The following GRID2 variants were observed in gnomAD, a reference collection of about 807,000 sequenced individuals.
GRID2 encodes the protein glutamate ionotropic receptor delta type subunit 2, also known as glutamate receptor ionotropic, delta-2.
GRID2 carries 33 observed loss-of-function variants against 114.8 expected under a neutral mutation model. That is an observed-to-expected ratio of 0.29 (90% confidence interval 0.22 to 0.38). The LOEUF (loss-of-function observed/expected upper bound fraction) is 0.38, where lower values mean the gene tolerates loss of function less well. GRID2 is among the 10% of genes least tolerant of loss of function. The pLI is 1.00. For missense variants in GRID2, 1,184 were observed against 1,257.7 expected, an observed-to-expected ratio of 0.94 and a Z score of 0.89; for synonymous variants, 505 against 449.9, an observed-to-expected ratio of 1.12 and a Z score of -1.55.
intron 8 of GRID2, among the ~76,000 whole-genome samples, chr4:93,310,082 A>G (rs931317031): frequency 2.0e-5 from 3 of 152,180 alleles, no homozygotes; most frequent in Non-Finnish European, 2.9e-5. Context: ...TACAACAAGC[A>G]TTATCAGTTT....
intron 2 of GRID2, among the ~76,000 whole-genome samples, chr4:92,665,712 G>C (rs769369079): frequency 2.7e-5 from 4 of 146,544 alleles, no homozygotes; most frequent in African/African-American, 9.9e-5. Flanking sequence ...TGGTTGACAT[G>C]TTTTTTTTTT....
intron 2 of GRID2, among the ~76,000 whole-genome samples, chr4:92,602,192 T>G: frequency 7.4e-6 from 1 of 135,586 alleles, no homozygotes; most frequent in Admixed American, 7.8e-5. Flanking sequence ...TACCAAAACT[T>G]GCCAGAGATT....
intron 2 of GRID2, among the ~76,000 whole-genome samples, chr4:92,871,582 G>A (rs1745283052): frequency 6.6e-6 from 1 of 152,148 alleles, no homozygotes; most frequent in African/African-American, 2.4e-5. Context: ...TCAGGGCAGA[G>A]TACTGACACT....
intron 14 of GRID2, among the ~76,000 whole-genome samples, chr4:93,734,642 G>A (rs572698434): frequency 5.9e-5 from 9 of 151,984 alleles, no homozygotes; most frequent in Non-Finnish European, 1.3e-4. Context: ...TTCTATCACC[G>A]ACAGCCCAGA....
chr4:92,657,392 T>C (rs1315455530), intron 2 of GRID2, among the ~76,000 whole-genome samples: 1 of 151,688 alleles, frequency 6.6e-6, no homozygotes, highest in Non-Finnish European at 1.5e-5. Context: ...GTTTTCCTAA[T>C]TAATATTTTT....
At chr4:92,510,506 A>G (rs1010561721) in intron 1 of GRID2, among the ~76,000 whole-genome samples, 1 of 151,902 alleles carries the variant, frequency 6.6e-6, no homozygotes, top group Non-Finnish European at 1.5e-5. Context: ...GACTGGGTAT[A>G]GTCATCAAGG....
chr4:93,192,728 CA>C (rs1741101206), intron 4 of GRID2, among the ~76,000 whole-genome samples: 1 of 66,004 alleles, frequency 1.5e-5, no homozygotes, highest in Non-Finnish European at 2.7e-5. Flanking sequence ...GCCTGGGCAA[CA>C]AGAGCAAAAC....
intron 8 of GRID2, among the ~76,000 whole-genome samples, chr4:93,299,427 C>CA (rs1462378236): frequency 1.8e-4 from 27 of 149,870 alleles, no homozygotes; most frequent in African/African-American, 5.9e-4. Context: ...CTGTTTGAAA[C>CA]GGGGAAAAAA....
At chr4:93,744,253 T>C (rs1246809043) in intron 14 of GRID2, among the ~76,000 whole-genome samples, 1 of 152,214 alleles carries the variant, frequency 6.6e-6, no homozygotes, top group Non-Finnish European at 1.5e-5. Context: ...CAAGGAGTAG[T>C]TTTGACTTCC....
chr4:93,326,678 C>T lies in GRID2; in HGVS notation c.1246-68929C>T, dbSNP rs147839899. 3.9e-3 allele frequency among the ~76,000 whole-genome samples: 590 copies of T among 152,016 alleles called. 7 individuals carry two copies. Among genetic ancestry groups the T allele is most frequent in the African/African-American group, 0.014 (571 of 41,464 alleles). On this transcript the variant is annotated intron_variant, in intron 8 of 15. Coordinates refer to ENST00000282020, the MANE Select transcript of GRID2 (RefSeq NM_001510.4). ...GCCACTTTATCTATTGTTTGTATTA[C>T]ACCTCATGCTTCTTTATATGCTTTT...
At chr4:92,938,307 C>T (rs1324923353) in intron 2 of GRID2, among the ~76,000 whole-genome samples, 1 of 146,466 alleles carries the variant, frequency 6.8e-6, no homozygotes, top group Non-Finnish European at 1.5e-5. Context: ...TTATCAATAG[C>T]ATAAATCTTC....
chr4:93,484,203 G>A (rs1170981865), intron 11 of GRID2, among the ~76,000 whole-genome samples: 1 of 151,668 alleles, frequency 6.6e-6, no homozygotes, highest in South Asian at 2.1e-4. Context: ...CTGTATAATT[G>A]CCACCTAGGA....
Position 93,230,147 on chromosome 4 carries a change from CGTGT to C in GRID2, c.1125+5392_1125+5395del, listed in dbSNP as rs34250856. ...AACTTTAATAGGATGTGTGTGTATG[CGTGT>C]GTGTGTGTGTGTGTGTGTGCATGCT... On this transcript the variant is annotated intron_variant, in intron 7 of 15. Transcript: ENST00000282020. 4.6e-4 allele frequency among the ~76,000 whole-genome samples: 69 copies of C among 148,530 alleles called. 1 individual carries two copies. The highest frequency in any genetic ancestry group is 3.4e-3 in the Middle Eastern group (1 of 292).
chr4:92,876,046 C>T (rs773510054), intron 2 of GRID2, among the ~76,000 whole-genome samples: 10 of 152,078 alleles, frequency 6.6e-5, no homozygotes, highest in African/African-American at 1.2e-4. Context: ...CTTCTTAATA[C>T]GCTCTCAATT....
intron 4 of GRID2, among the ~76,000 whole-genome samples, chr4:93,203,143 T>C (rs1742291463): frequency 6.6e-6 from 1 of 152,160 alleles, no homozygotes; most frequent in South Asian, 2.1e-4. Flanking sequence ...AGTGGCTTTT[T>C]AACATTGCTT....
chr4:93,528,124 T>C (rs973600743), intron 13 of GRID2, among the ~76,000 whole-genome samples: 1 of 151,924 alleles, frequency 6.6e-6, no homozygotes, highest in African/African-American at 2.4e-5. Context: ...TATGTGTGTG[T>C]ATATATATCC....
chr4:93,314,678 A>T (rs2149195473), intron 8 of GRID2, among the ~76,000 whole-genome samples: 1 of 151,944 alleles, frequency 6.6e-6, no homozygotes, highest in Non-Finnish European at 1.5e-5. Flanking sequence ...CCTTTCATGC[A>T]ATTTTATTGA....
intron 2 of GRID2, among the ~76,000 whole-genome samples, chr4:92,912,953 A>G (rs1748498439): frequency 6.6e-6 from 1 of 151,916 alleles, no homozygotes; most frequent in South Asian, 2.1e-4. Context: ...TAGAATAGAA[A>G]CTTCTATAAA....
intron 2 of GRID2, among the ~76,000 whole-genome samples, chr4:92,852,223 T>TA (rs533762464): frequency 4.2e-4 from 64 of 151,984 alleles, no homozygotes; most frequent in Admixed American, 8.6e-4. Flanking sequence ...TATTTGTCTA[T>TA]AAAAAATCAT....
Sources: gnomAD v4.1 joint callset for allele counts (sites outside exome capture counted in the v4.1 genomes callset) on GRCh38, gnomAD v4.1.1 for gene constraint, MANE v1.5 for transcripts, NCBI Gene and HGNC (gene_info 2026-07-23, HGNC 2026-07-21) for gene names.